ROBO2: variants seen among roughly 807,000 people sequenced by gnomAD.
ROBO2 encodes roundabout guidance receptor 2, also known as roundabout homolog 2.
Under a neutral mutation model 160.8 loss-of-function variants are expected in ROBO2, and 53 were observed. The ratio of observed to expected loss-of-function variants is 0.33; its 90% CI spans 0.26 to 0.41. ROBO2 has a LOEUF of 0.41. Ranked by LOEUF, ROBO2 falls within the 10% of genes least tolerant of loss-of-function variation. The pLI is 1.00. For missense variants in ROBO2, 1,577 were observed against 1,722.4 expected, an observed-to-expected ratio of 0.92 and a Z score of 1.49; for synonymous variants, 664 against 611.7, an observed-to-expected ratio of 1.09 and a Z score of -1.26.
chr3:77,237,243 C>T (rs1042285506), intron 2 of ROBO2, among the ~76,000 whole-genome samples: 1 of 129,718 alleles, frequency 7.7e-6, no homozygotes, highest in Non-Finnish European at 1.6e-5. Flanking sequence ...GCTCTGTCTT[C>T]CAGGGTGGAT....
chr3:77,152,570 CCT>C (rs930986023), intron 2 of ROBO2, among the ~76,000 whole-genome samples: 25 of 152,326 alleles, frequency 1.6e-4, no homozygotes, highest in African/African-American at 5.8e-4. Flanking sequence ...ATCCACATCA[CCT>C]GTGAGTATGT....
rs79418426 is a variant in ROBO2, at chr3:76,007,097, G to C, written c.109+69495G>C. Among the ~76,000 whole-genome samples, 1,345 of 152,178 alleles carry C rather than the reference G, an allele frequency of 8.8e-3. 9 individuals carry two copies. Among genetic ancestry groups the C allele is most frequent in the Non-Finnish European group, 0.012 (784 of 67,958 alleles). On this transcript the variant is annotated intron_variant, in intron 2 of 26. Transcript: ENST00000487694. The stretch of plus-strand genomic sequence containing the variant: ...TTCTAATACATGAAGTATGTCAAAT[G>C]ATGAGTTCAGTATAACATTTTTATC...
At chr3:77,136,479 CTTTT>C (rs59688881) in intron 2 of ROBO2, among the ~76,000 whole-genome samples, 3,240 of 67,928 alleles carry the variant, frequency 0.048, 66 homozygotes, top group African/African-American at 0.089. Context: ...ATAAAATATG[CTTTT>C]TTTTTTTTTT....
chr3:76,051,850 A>AAATGAT (rs1179677428), intron 2 of ROBO2, among the ~76,000 whole-genome samples: 1 of 146,702 alleles, frequency 6.8e-6, no homozygotes, highest in Non-Finnish European at 1.5e-5. Context: ...TATTCCTATA[A>AAATGAT]ATTTAGTTGA....
At chr3:76,857,035 G>A (rs1354129990) in intron 2 of ROBO2, among the ~76,000 whole-genome samples, 1 of 152,130 alleles carries the variant, frequency 6.6e-6, no homozygotes, top group Non-Finnish European at 1.5e-5. Context: ...GCCCAGGCTG[G>A]AGTGCAGTGG....
intron 2 of ROBO2, among the ~76,000 whole-genome samples, chr3:76,154,407 G>A (rs1237964326): frequency 2.6e-5 from 4 of 152,086 alleles, no homozygotes; most frequent in Non-Finnish European, 5.9e-5. Context: ...ACCTTGGAAA[G>A]ATTAGATAGA....
chr3:77,305,814 C>T (rs956841716), intron 2 of ROBO2, among the ~76,000 whole-genome samples: 2 of 152,142 alleles, frequency 1.3e-5, no homozygotes, highest in Admixed American at 6.5e-5. Flanking sequence ...ATTTATTCGA[C>T]GTTCTCCAGA....
rs903684145 is a variant in ROBO2, at chr3:76,135,151, A to G, written c.109+197549A>G. 2.0e-5 allele frequency among the ~76,000 whole-genome samples: 3 copies of G among 152,080 alleles called. No homozygotes were observed. The South Asian group carries it at 6.2e-4, about 31-fold the overall frequency. On this transcript the variant is annotated intron_variant, in intron 2 of 26. Transcript: ENST00000487694. The stretch of plus-strand genomic sequence containing the variant: ...GGGGCAAGATTCTGGGATACACTTC[A>G]GTCCCCTTGCATCTCATTGGCCAGA...
At chr3:76,487,219 A>T (rs2079546908) in intron 2 of ROBO2, among the ~76,000 whole-genome samples, 1 of 151,370 alleles carries the variant, frequency 6.6e-6, no homozygotes, top group Admixed American at 6.6e-5. Context: ...ACCTCAAGCG[A>T]TTCTCCTGCC....
intron 2 of ROBO2, among the ~76,000 whole-genome samples, chr3:76,318,220 G>C (rs904896652): frequency 3.6e-4 from 55 of 152,070 alleles, no homozygotes; most frequent in African/African-American, 1.3e-3. Flanking sequence ...CTTACAAATA[G>C]ACTAAGCACT....
intron 2 of ROBO2, among the ~76,000 whole-genome samples, chr3:76,272,981 AAT>A (rs1559706823): frequency 8.1e-5 from 7 of 86,094 alleles, no homozygotes; most frequent in East Asian, 3.0e-4. Flanking sequence ...AAATATATAT[AAT>A]ATATAATATA....
intron 2 of ROBO2, among the ~76,000 whole-genome samples, chr3:76,191,554 C>T (rs1702005153): frequency 6.6e-6 from 1 of 152,026 alleles, no homozygotes; most frequent in Admixed American, 6.6e-5. Flanking sequence ...TAATAATTCT[C>T]AGTATATTCT....
intron 2 of ROBO2, among the ~76,000 whole-genome samples, chr3:76,482,222 T>G (rs927463319): frequency 1.1e-4 from 17 of 152,138 alleles, no homozygotes; most frequent in African/African-American, 4.1e-4. Flanking sequence ...GTGTTTTGCC[T>G]CATGGAACAA....
In ROBO2 at chr3:76,712,195, T is replaced by C. The variant is rs2093307467; in HGVS notation, c.110-385819T>C. On this transcript the variant is annotated intron_variant, in intron 2 of 26. Transcript: ENST00000487694. The stretch of plus-strand genomic sequence containing the variant: ...TATATATTAGTTCTTAAAAGATTTA[T>C]TTGCACCCTTGCAGAAAGCAAATCA... Among the ~76,000 whole-genome samples, 2 of 152,214 alleles carry C rather than the reference T, an allele frequency of 1.3e-5. 1 individual carries two copies. Among genetic ancestry groups the C allele is most frequent in the South Asian group, 4.1e-4 (2 of 4,834 alleles).
rs562391162 is a variant in ROBO2, at chr3:77,435,598, G to T, written c.389-41816G>T. On this transcript the variant is annotated intron_variant, in intron 2 of 25. Coordinates refer to ENST00000461745, the Ensembl canonical transcript of ROBO2. ...ACAGATACTAATTGTACCCCAATTTGTAATGCATCAGTTTAGCACTATTGA... is the reference window on the plus strand; with the variant it reads ...ACAGATACTAATTGTACCCCAATTTTTAATGCATCAGTTTAGCACTATTGA... 2.0e-5 allele frequency among the ~76,000 whole-genome samples: 3 copies of T among 151,850 alleles called. 1 individual carries two copies. Among genetic ancestry groups the T allele is most frequent in the African/African-American group, 4.8e-5 (2 of 41,492 alleles).
intron 2 of ROBO2, among the ~76,000 whole-genome samples, chr3:76,250,461 T>C (rs1332892479): frequency 1.3e-5 from 2 of 152,102 alleles, no homozygotes; most frequent in Non-Finnish European, 2.9e-5. Context: ...TATCATATTT[T>C]AGGGAAGTGT....
chr3:76,800,342 C>T (rs1177069114), intron 2 of ROBO2, among the ~76,000 whole-genome samples: 1 of 152,160 alleles, frequency 6.6e-6, no homozygotes, highest in Non-Finnish European at 1.5e-5. Context: ...ACCACAAGCT[C>T]AGACAACAAA....
chr3:76,368,103 C>T (rs1559832984), intron 2 of ROBO2, among the ~76,000 whole-genome samples: 2 of 151,622 alleles, frequency 1.3e-5, no homozygotes. Flanking sequence ...AAAATTCTAT[C>T]ATTTTTTTTC....
chr3:77,098,851 G>A (rs1467951313), intron 2 of ROBO2, among the ~76,000 whole-genome samples: 2 of 147,886 alleles, frequency 1.4e-5, no homozygotes, highest in Non-Finnish European at 3.0e-5. Context: ...GCGAGACTCC[G>A]TCTCAAAAAA....
Sources: gnomAD v4.1 joint callset for allele counts (sites outside exome capture counted in the v4.1 genomes callset) on GRCh38, gnomAD v4.1.1 for gene constraint, MANE v1.5 for transcripts, NCBI Gene and HGNC (gene_info 2026-07-23, HGNC 2026-07-21) for gene names.